The following ASAP1 variants were observed in gnomAD, a reference collection of about 807,000 sequenced individuals.
ASAP1 encodes the protein ArfGAP with SH3 domain, ankyrin repeat and PH domain 1.
Under a neutral mutation model 145.2 loss-of-function variants are expected in ASAP1, and 43 were observed. The ratio of observed to expected loss-of-function variants is 0.30; its 90% CI spans 0.23 to 0.38. The LOEUF is 0.38. Among genes scored for constraint, ASAP1 ranks in the 10% least tolerant of loss-of-function variants. ASAP1 has a pLI of 1.00. For missense variants in ASAP1, 1,018 were observed against 1,355.3 expected, an observed-to-expected ratio of 0.75 and a Z score of 3.91; for synonymous variants, 546 against 515.5, an observed-to-expected ratio of 1.06 and a Z score of -0.80.
chr8:130,357,908 G>A, intron 3 of ASAP1, 109 bp downstream of exon 3: 1 of 1,436,462 alleles, frequency 7.0e-7, no homozygotes, highest in Middle Eastern at 2.4e-4. Context: ...CTGAGGGGGT[G>A]TGGCGCCCCC....
intron 3 of ASAP1, among the ~76,000 whole-genome samples, chr8:130,357,759 T>C (rs539729668): frequency 6.6e-6 from 1 of 152,230 alleles, no homozygotes; most frequent in Non-Finnish European, 1.5e-5. Context: ...CCATCTTCTG[T>C]CCTCCCTGGA....
Position 130,054,808 on chromosome 8 carries a change from G to T in ASAP1, c.3316-3C>A, listed in dbSNP as rs773096499. The T allele has an allele frequency of 1.2e-6, 2 of 1,613,008 alleles. No homozygotes were observed. Among genetic ancestry groups the T allele is most frequent in the Admixed American group, 1.7e-5 (1 of 60,000 alleles). ...GGCTGTCCTTCGATGTGGCCAATCT[G>T]CAGGGAGAAAAGAGAGTGGTCAGGA... On this transcript the variant is annotated splice_polypyrimidine_tract_variant and splice_region_variant and intron_variant, in intron 29 of 29. Coordinates refer to ENST00000518721, the MANE Select transcript of ASAP1 (RefSeq NM_018482.4).
chr8:130,138,996 T>A (rs1174135433), intron 13 of ASAP1, among the ~76,000 whole-genome samples: 2 of 152,168 alleles, frequency 1.3e-5, no homozygotes, highest in African/African-American at 4.8e-5. Flanking sequence ...AATTGCTGAC[T>A]TTCTCATATA....
intron 1 of ASAP1, among the ~76,000 whole-genome samples, chr8:130,440,613 CTG>C (rs1830459031): frequency 2.0e-5 from 3 of 152,136 alleles, no homozygotes; most frequent in Admixed American, 2.0e-4. Context: ...TTAGAATCGG[CTG>C]TGTGATCTCG....
At chr8:130,080,299 A>G (rs2097476174) in intron 25 of ASAP1, among the ~76,000 whole-genome samples, 1 of 152,134 alleles carries the variant, frequency 6.6e-6, no homozygotes, top group African/African-American at 2.4e-5. Context: ...AGAAGAATAA[A>G]TTTCAAGTTC....
intron 3 of ASAP1, among the ~76,000 whole-genome samples, chr8:130,312,325 C>T (rs1823406832): frequency 6.6e-6 from 1 of 151,608 alleles, no homozygotes; most frequent in African/African-American, 2.4e-5. Context: ...GGCTACCATC[C>T]ACCATCCCTG....
intron 2 of ASAP1, among the ~76,000 whole-genome samples, chr8:130,397,707 G>GGT (rs1828597335): frequency 6.6e-6 from 1 of 152,172 alleles, no homozygotes; most frequent in Non-Finnish European, 1.5e-5. Context: ...ACTGATGTGG[G>GGT]AACTTTTCCC....
At chr8:130,091,552 T>C (rs1056534489) in intron 25 of ASAP1, among the ~76,000 whole-genome samples, 1 of 152,232 alleles carries the variant, frequency 6.6e-6, no homozygotes, top group Non-Finnish European at 1.5e-5. Context: ...TGCATTTATC[T>C]GAAGCTCAAA....
intron 3 of ASAP1, among the ~76,000 whole-genome samples, chr8:130,240,095 AAT>A (rs1271014428): frequency 6.6e-6 from 1 of 152,152 alleles, no homozygotes; most frequent in Non-Finnish European, 1.5e-5. Context: ...TGAGCAAATG[AAT>A]GTGAAAGATT....
chr8:130,187,120 G>A (rs1021855092), intron 7 of ASAP1, 116 bp downstream of exon 7: 6 of 848,632 alleles, frequency 7.1e-6, no homozygotes, highest in African/African-American at 1.7e-5. Context: ...GGTTTTTGTT[G>A]AGAAGTTATT....
chr8:130,346,584 G>A (rs1490715173), intron 3 of ASAP1, among the ~76,000 whole-genome samples: 3 of 152,166 alleles, frequency 2.0e-5, no homozygotes, highest in East Asian at 3.8e-4. Context: ...TATATGAGAC[G>A]ATATGGGTAG....
intron 9 of ASAP1, among the ~76,000 whole-genome samples, chr8:130,178,729 C>CA (rs929067204): frequency 8.0e-5 from 12 of 149,542 alleles, no homozygotes; most frequent in Admixed American, 2.0e-4. Context: ...ACTAACAATA[C>CA]AAAAAAAAAA....
chr8:130,174,234 G>T (rs1232573636), intron 9 of ASAP1, among the ~76,000 whole-genome samples: 3 of 152,114 alleles, frequency 2.0e-5, no homozygotes, highest in Non-Finnish European at 4.4e-5. Flanking sequence ...CTCCAAAGTG[G>T]ACATTTTCTA....
chr8:130,063,942 G>A (rs932887266), intron 27 of ASAP1, among the ~76,000 whole-genome samples: 1 of 152,158 alleles, frequency 6.6e-6, no homozygotes, highest in Non-Finnish European at 1.5e-5. Flanking sequence ...GGTAAGCAGG[G>A]GAAGGGAGAA....
chr8:130,118,345 C>A, intron 19 of ASAP1, 99 bp from the exon 20 acceptor site: 1 of 1,347,490 alleles, frequency 7.4e-7, no homozygotes. Flanking sequence ...AAGGAGCACA[C>A]CTCTTCACTC....
chr8:130,350,896 A>T (rs1399738903), intron 3 of ASAP1, among the ~76,000 whole-genome samples: 1 of 152,230 alleles, frequency 6.6e-6, no homozygotes, highest in Non-Finnish European at 1.5e-5. Flanking sequence ...GGCTCTGGGC[A>T]GCTCATAGGC....
At chr8:130,441,784 CCT>C (rs1456653106) in intron 1 of ASAP1, among the ~76,000 whole-genome samples, 3 of 152,114 alleles carry the variant, frequency 2.0e-5, no homozygotes, top group Non-Finnish European at 2.9e-5. Flanking sequence ...TGCGAAAAGT[CCT>C]TTCTCTCCAA....
At chr8:130,428,669 C>G (rs1435777049) in intron 1 of ASAP1, among the ~76,000 whole-genome samples, 1 of 149,020 alleles carries the variant, frequency 6.7e-6, no homozygotes, top group Admixed American at 6.7e-5. Flanking sequence ...ATCCCCCCAC[C>G]ATCATCATCA....
intron 2 of ASAP1, among the ~76,000 whole-genome samples, chr8:130,363,312 G>T (rs908400202): frequency 6.6e-6 from 1 of 152,164 alleles, no homozygotes; most frequent in East Asian, 1.9e-4. Context: ...GACTGCTTGA[G>T]CCCAGGAGTT....
Sources: allele counts gnomAD v4.1 joint callset (sites outside exome capture counted in the v4.1 genomes callset), GRCh38; gene constraint gnomAD v4.1.1; transcripts MANE v1.5; gene names NCBI Gene and HGNC (gene_info 2026-07-23, HGNC 2026-07-21).